The following RASA2 variants were observed in gnomAD, a reference collection of about 807,000 sequenced individuals.
RASA2 encodes RAS p21 protein activator 2, also known as ras GTPase-activating protein 2.
In RASA2, 155 loss-of-function variants were observed where a neutral mutation model predicts 118.2. The observed-to-expected ratio is 1.31, with a 90% CI of 1.15 to 1.50. The LOEUF is 1.50. Among genes scored for constraint, RASA2 ranks in the 40% most tolerant of loss-of-function variants. The pLI, the probability that RASA2 is intolerant of heterozygous loss-of-function variation, is 0.00. For synonymous variants in RASA2, 353 were observed against 349.1 expected (o/e 1.01, Z -0.12); for missense variants, 1,016 against 1,009.6 (o/e 1.01, Z -0.09).
rs981310739 is a variant in RASA2 at position 141,604,953 on chromosome 3, T to TA, written c.1934-2716dup. ...AATAAATAAATAAATTGAACAGGAATAAAAAAAAATGTCTTTTCCCCTTAC... is the reference window on the plus strand; with the variant it reads ...AATAAATAAATAAATTGAACAGGAATAAAAAAAAAATGTCTTTTCCCCTTAC... On this transcript the variant is annotated intron_variant, in intron 19 of 23. Transcript: ENST00000286364. Among the ~76,000 whole-genome samples the TA allele has an allele frequency of 1.1e-4, 17 of 150,448 alleles. No individual in the cohort carries two copies. The East Asian group carries it at 1.2e-3, about 10-fold the overall frequency.
chr3:141,501,234 A>G (rs1329822489), intron 1 of RASA2, among the ~76,000 whole-genome samples: 2 of 152,150 alleles, frequency 1.3e-5, no homozygotes, highest in African/African-American at 4.8e-5. Flanking sequence ...GTTTCCATGT[A>G]TTTCCTATAA....
intron 5 of RASA2, among the ~76,000 whole-genome samples, chr3:141,547,193 G>C (rs949959494): frequency 1.3e-5 from 2 of 151,888 alleles, no homozygotes; most frequent in African/African-American, 4.8e-5. Flanking sequence ...GTCTTTTGTG[G>C]TTTCATATAA....
chr3:141,594,448 C>T (rs1356449185), intron 19 of RASA2, among the ~76,000 whole-genome samples: 1 of 151,804 alleles, frequency 6.6e-6, no homozygotes, highest in African/African-American at 2.4e-5. Flanking sequence ...CAATGAACTG[C>T]AAGCATGATA....
At chr3:141,566,718 A>T (rs1476592677) in intron 9 of RASA2, among the ~76,000 whole-genome samples, 5 of 151,760 alleles carry the variant, frequency 3.3e-5, no homozygotes, top group East Asian at 1.9e-4. Flanking sequence ...GTCTTTTATT[A>T]AAAAAAAATC....
At chr3:141,608,449 G>T (rs771926899) in intron 20 of RASA2, 40 bp from the exon 21 acceptor site, 4 of 1,588,910 alleles carry the variant, frequency 2.5e-6, no homozygotes, top group East Asian at 2.2e-5. Context: ...TTGGTTTTTG[G>T]ACTCTTGTCA....
intron 23 of RASA2, among the ~76,000 whole-genome samples, chr3:141,611,052 G>A (rs890412962): frequency 6.6e-6 from 1 of 152,160 alleles, no homozygotes; most frequent in Non-Finnish European, 1.5e-5. Flanking sequence ...CCAGCAAGGG[G>A]CACTGTGCTT....
rs754617499 is a variant in RASA2, at chr3:141,609,420, A to T, written c.2226A>T (p.Ala742=). 11 of 1,531,280 alleles carry T rather than the reference A, an allele frequency of 7.2e-6. No homozygotes were observed. The African/African-American group carries it at 1.5e-4, about 21-fold the overall frequency. The allele number at this position is 1,531,280 out of a possible 1,614,324, so 94.9% of individuals were successfully genotyped here. A position where few individuals can be genotyped will look rare whatever the true frequency, so the allele number is the denominator to read the frequency against. Residue 742 remains alanine (A), a splice_region_variant and synonymous_variant, in exon 22 of 24, where the codon GCA becomes GCT. Transcript: ENST00000286364. ...ENTLGCKPCT[A]GVPADIQIDI... Reference sequence around the variant, plus strand: ...CTTTATTTTTTTATTTTTACCATAGAGGTGTCCCTGCAGACATCCAAATAG... The same window carrying T: ...CTTTATTTTTTTATTTTTACCATAGTGGTGTCCCTGCAGACATCCAAATAG...
chr3:141,608,121 A>G (rs1016603323), intron 20 of RASA2, among the ~76,000 whole-genome samples: 4 of 152,190 alleles, frequency 2.6e-5, no homozygotes, highest in Admixed American at 2.6e-4. Flanking sequence ...TTCTGCTCCC[A>G]TTCAGTGCAT....
In RASA2 at chr3:141,577,059, G is replaced by A; in HGVS notation, c.1543G>A (p.Val515Ile). The change falls in exon 15 of 24, where the codon GTA (valine) becomes ATA (isoleucine). Residue 515 changes from valine to isoleucine, a missense_variant. Physicochemically the swap from Val to Ile is conservative, Grantham distance 29. This residue lies in a region of RASA2 where 896 missense variants were observed against 836.4 expected (regional missense o/e 1.07). Transcript: ENST00000286364. ...SSFVFLRFFA[V>I]AVVSPHTFHL... is the part of the protein sequence containing the mutation. Reference sequence around the variant, plus strand: ...CTTTGTATTTCTTCGTTTCTTTGCTGTAGCCGTAGTATCACCTCATACTTT... The same window carrying A: ...CTTTGTATTTCTTCGTTTCTTTGCTATAGCCGTAGTATCACCTCATACTTT... 1 of 1,611,386 alleles carries A rather than the reference G, an allele frequency of 6.2e-7. No individual in the cohort carries two copies.
In RASA2 at chr3:141,581,140, T is replaced by C; in HGVS notation, c.1715T>C (p.Met572Thr). The change falls in exon 17 of 24, where the codon ATG becomes ACG. Residue 572 changes from methionine to threonine, a missense_variant. This residue lies in a region of RASA2 where 896 missense variants were observed against 836.4 expected (regional missense o/e 1.07). Transcript: ENST00000286364. Reference protein sequence around the residue: ...KETFMCEFFKMFQEEGYIIAV... With the variant: ...KETFMCEFFKTFQEEGYIIAV... Reference sequence around the variant, plus strand: ...ACATTCATGTGTGAATTTTTCAAAATGTTTCAAGAAGAAGGATATATTATA... The same window carrying C: ...ACATTCATGTGTGAATTTTTCAAAACGTTTCAAGAAGAAGGATATATTATA... 1 of 1,542,268 alleles carries C rather than the reference T, an allele frequency of 6.5e-7. No individual in the cohort carries two copies. The highest frequency in any genetic ancestry group is 2.5e-5 in the East Asian group (1 of 39,882).
chr3:141,529,927 T>C, intron 4 of RASA2, 125 bp downstream of exon 4: 2 of 723,306 alleles, frequency 2.8e-6, no homozygotes, highest in East Asian at 2.7e-5. Context: ...CATCAAATAT[T>C]ATAGACTTTT....
At chr3:141,606,472 T>C (rs1170698773) in intron 19 of RASA2, among the ~76,000 whole-genome samples, 1 of 152,208 alleles carries the variant, frequency 6.6e-6, no homozygotes, top group Non-Finnish European at 1.5e-5. Flanking sequence ...TTAATATTTA[T>C]GGTCTTTTGT....
At position 141,531,507 on chromosome 3, in the gene RASA2, A is replaced by G. The variant is rs1457523492; in HGVS notation, c.450+1705A>G. On this transcript the variant is annotated intron_variant, in intron 4 of 23. Coordinates refer to ENST00000286364, the MANE Select transcript of RASA2 (RefSeq NM_006506.5). ...ATGTATATATATACACACACATTAC[A>G]TACACATGGGTATGCATATTTATAG... Among the ~76,000 whole-genome samples the G allele has an allele frequency of 2.0e-5, 3 of 151,668 alleles. No homozygotes were observed. In the East Asian group the frequency reaches 5.8e-4, roughly 29 times the overall value.
At chr3:141,563,655 C>G (rs2082771741) in intron 9 of RASA2, among the ~76,000 whole-genome samples, 1 of 152,020 alleles carries the variant, frequency 6.6e-6, no homozygotes, top group Non-Finnish European at 1.5e-5. Flanking sequence ...TGTTAAGACA[C>G]TATTAATACT....
At chr3:141,573,287 CTTACA>C in intron 13 of RASA2, 66 bp downstream of exon 13, 2 of 1,456,980 alleles carry the variant, frequency 1.4e-6, no homozygotes, top group Non-Finnish European at 1.8e-6. Flanking sequence ...CTTTCTCCCA[CTTACA>C]TTATGATAAA....
intron 5 of RASA2, among the ~76,000 whole-genome samples, chr3:141,545,558 C>T (rs966418077): frequency 3.4e-5 from 5 of 148,162 alleles, no homozygotes; most frequent in African/African-American, 1.3e-4. Flanking sequence ...AAGTGATTCT[C>T]CTGCCTCAGC....
At chr3:141,562,710 G>A (rs1376557869) in intron 9 of RASA2, among the ~76,000 whole-genome samples, 1 of 150,234 alleles carries the variant, frequency 6.7e-6, no homozygotes, top group Admixed American at 6.6e-5. Flanking sequence ...GTCTCGCTCT[G>A]TCTCCAGGCT....
intron 1 of RASA2, among the ~76,000 whole-genome samples, chr3:141,494,123 C>G (rs1298357778): frequency 6.6e-6 from 1 of 152,190 alleles, no homozygotes; most frequent in Non-Finnish European, 1.5e-5. Context: ...ACAGACATTA[C>G]TACAATGAAT....
chr3:141,574,017 T>C lies in RASA2; in HGVS notation c.1433T>C (p.Met478Thr). ...VKSSMSCPTV[M>T]CDIFYSLRQM... ...TCAAGTATGAGCTGCCCCACTGTAA[T>C]GTGTGATATCTTTTATTCTCTAAGG... is the stretch of plus-strand genomic sequence containing the variant. The change falls in exon 14 of 24, where the codon ATG becomes ACG. Residue 478 changes from methionine (M) to threonine (T), a missense_variant. Physicochemically the swap from Met to Thr is moderately conservative, Grantham distance 81 (BLOSUM62 -1). Coordinates refer to ENST00000286364, the MANE Select transcript of RASA2 (RefSeq NM_006506.5). 6.3e-7 allele frequency: 1 copy of C among 1,592,582 alleles called. No homozygotes were observed. Among genetic ancestry groups the C allele is most frequent in the Non-Finnish European group, 8.6e-7 (1 of 1,164,832 alleles).
Sources: gnomAD v4.1 joint callset for allele counts (sites outside exome capture counted in the v4.1 genomes callset) on GRCh38, gnomAD v4.1.1 for gene constraint, gnomAD v4.1.1 regional missense constraint, MANE v1.5 for transcripts, NCBI Gene and HGNC (gene_info 2026-07-23, HGNC 2026-07-21) for gene names.